Variants in ABCC1 observed in about 807,000 individuals in gnomAD.
ABCC1 encodes multidrug resistance-associated protein 1.
ABCC1 carries 83 observed loss-of-function variants against 172.9 expected under a neutral mutation model. The ratio of observed to expected loss-of-function variants is 0.48; its 90% CI spans 0.40 to 0.58. ABCC1 has a LOEUF of 0.58. Ranked by LOEUF, ABCC1 falls within the 20% of genes least tolerant of loss-of-function variation. The pLI is 0.00. For missense variants in ABCC1, 1,817 were observed against 2,002.7 expected, an observed-to-expected ratio of 0.91 and a Z score of 1.77; for synonymous variants, 937 against 825.2, an observed-to-expected ratio of 1.14 and a Z score of -2.32.
intron 1 of ABCC1, among the ~76,000 whole-genome samples, chr16:15,999,809 CCTCT>C (rs1555478343): frequency 1.6e-3 from 13 of 8,376 alleles, no homozygotes; most frequent in African/African-American, 3.5e-3. Context: ...CTCTCTCTCT[CCTCT>C]CTCTCTCTCT....
chr16:16,106,785 A>C lies in ABCC1; in HGVS notation c.2783A>C (p.His928Pro), dbSNP rs1478950298. 6.2e-7 allele frequency: 1 copy of C among 1,614,170 alleles called. No individual in the cohort carries two copies. The highest frequency in any genetic ancestry group is 2.2e-5 in the East Asian group (1 of 44,874). The change falls in exon 21 of 31, where the codon CAC becomes CCC. Residue 928 changes from histidine to proline, a missense_variant. By Grantham distance (77) the His-to-Pro change is moderately conservative. Transcript: ENST00000399410. ...TATAGTGGGGACATCAGCAGGCACC[A>C]CAACAGCACCGCAGAACTGCAGAAA... is the stretch of plus-strand genomic sequence containing the variant. ...SSYSGDISRH[H>P]NSTAELQKAE...
At chr16:16,130,564 C>G (rs1232855681) in intron 26 of ABCC1, among the ~76,000 whole-genome samples, 3 of 152,204 alleles carry the variant, frequency 2.0e-5, no homozygotes, top group African/African-American at 4.8e-5. Flanking sequence ...TAGAGCCAGT[C>G]TGTGCATAAC....
intron 1 of ABCC1, among the ~76,000 whole-genome samples, chr16:16,000,323 T>C (rs1280265854): frequency 6.6e-6 from 1 of 151,840 alleles, no homozygotes; most frequent in African/African-American, 2.4e-5. Flanking sequence ...TTTTTGTGTT[T>C]CTAGTAGAGA....
At chr16:16,034,253 T>C (rs918565462) in intron 6 of ABCC1, among the ~76,000 whole-genome samples, 1 of 150,636 alleles carries the variant, frequency 6.6e-6, no homozygotes, top group Non-Finnish European at 1.5e-5. Context: ...GTCTCCAGCT[T>C]CTGAGCTCAA....
chr16:16,113,186 C>A (rs59624646), intron 22 of ABCC1, among the ~76,000 whole-genome samples: 1 of 152,136 alleles, frequency 6.6e-6, no homozygotes, highest in Non-Finnish European at 1.5e-5. Context: ...CTCCCCTCCC[C>A]TCTCCTTGCC....
At chr16:16,140,694 G>T (rs2046093587) in intron 30 of ABCC1, among the ~76,000 whole-genome samples, 2 of 152,218 alleles carry the variant, frequency 1.3e-5, no homozygotes, top group Non-Finnish European at 2.9e-5. Context: ...TATGAATAAA[G>T]TTTTATTGGC....
In ABCC1 at chr16:16,056,915, C is replaced by T. The variant is rs2049680918; in HGVS notation, c.1677+620C>T. Among the ~76,000 whole-genome samples the T allele has an allele frequency of 2.0e-5, 3 of 152,282 alleles. No homozygotes were observed. The South Asian group carries it at 6.2e-4, about 32-fold the overall frequency. On this transcript the variant is annotated intron_variant, in intron 12 of 30. Transcript: ENST00000399410. ...AAAAAGTGCGAGCTGAGTCGAACGG[C>T]ACGCTTGGTGCCATAGTTGATCTAC...
intron 11 of ABCC1, among the ~76,000 whole-genome samples, chr16:16,054,292 T>C (rs1430914584): frequency 6.6e-6 from 1 of 151,978 alleles, no homozygotes; most frequent in African/African-American, 2.4e-5. Flanking sequence ...ATGTTTTGTG[T>C]GTGTGATATT....
At position 16,098,860 on chromosome 16, in the gene ABCC1, T is replaced by A. The variant is rs953845792; in HGVS notation, c.2645-3767T>A. ...TGCTTCTTAACAATATCTTGGGTCT[T>A]CTGAATTCCCAGGCAGCACAGTGAT... On this transcript the variant is annotated intron_variant, in intron 19 of 30. Coordinates refer to ENST00000399410, the MANE Select transcript of ABCC1 (RefSeq NM_004996.4). The A allele has an allele frequency of 2.2e-6, 3 of 1,351,926 alleles. No individual in the cohort carries two copies. The African/African-American group carries it at 4.4e-5, about 20-fold the overall frequency. The allele number at this position is 1,351,926 out of a possible 1,614,324, so 83.7% of individuals were successfully genotyped here.
chr16:16,069,211 A>T (rs35609), intron 13 of ABCC1, among the ~76,000 whole-genome samples: 72,774 of 127,270 alleles, frequency 0.57, 18,815 homozygotes, highest in Non-Finnish European at 0.6. Flanking sequence ...TAAATAAATA[A>T]ATATGTTTGA....
intron 12 of ABCC1, among the ~76,000 whole-genome samples, chr16:16,062,317 C>T (rs1041717252): frequency 2.0e-5 from 3 of 152,170 alleles, no homozygotes; most frequent in African/African-American, 7.2e-5. Flanking sequence ...TGCTTAAGAG[C>T]AGGACTGGCT....
At chr16:15,961,024 T>A (rs1443582384) in intron 1 of ABCC1, among the ~76,000 whole-genome samples, 10 of 14,784 alleles carry the variant, frequency 6.8e-4, no homozygotes, top group South Asian at 4.2e-3. Context: ...TTTTTTTTTT[T>A]AAAATAGATG....
intron 23 of ABCC1, among the ~76,000 whole-genome samples, chr16:16,121,194 T>A (rs149774354): frequency 6.6e-5 from 10 of 152,280 alleles, no homozygotes; most frequent in Admixed American, 5.2e-4. Flanking sequence ...TTGTTTTGTT[T>A]CGTTTGTTTT....
At chr16:16,100,500 C>T (rs2051683826) in intron 19 of ABCC1, among the ~76,000 whole-genome samples, 2 of 152,170 alleles carry the variant, frequency 1.3e-5, no homozygotes, top group African/African-American at 4.8e-5. Context: ...TGAGGACAGG[C>T]TGCATGGGAA....
At chr16:16,022,768 C>T (rs1300967580) in intron 5 of ABCC1, among the ~76,000 whole-genome samples, 10 of 152,136 alleles carry the variant, frequency 6.6e-5, no homozygotes, top group Admixed American at 2.0e-4. Context: ...CATTCTTAAA[C>T]CTACAGAAAA....
chr16:16,095,464 AG>A (rs577364346), intron 19 of ABCC1, among the ~76,000 whole-genome samples: 8 of 152,224 alleles, frequency 5.3e-5, no homozygotes, highest in Non-Finnish European at 8.8e-5. Flanking sequence ...CAAGCAGGGT[AG>A]AGGCCAGCGA....
At position 16,122,071 on chromosome 16, in the gene ABCC1, A is replaced by G. The variant is rs757193902; in HGVS notation, c.3487A>G (p.Ser1163Gly). ...TTTCAACGAGACCTTGCTGGGGGTC[A>G]GCGTCATTCGAGCCTTCGAGGAGCA... Reference protein sequence around the residue: ...SHFNETLLGVSVIRAFEEQER... With the variant: ...SHFNETLLGVGVIRAFEEQER... Residue 1163 changes from serine to glycine, a missense_variant, in exon 24 of 31, where the codon AGC (serine) becomes GGC (glycine). This residue lies in a region of ABCC1 where 1,412 missense variants were observed against 1,600.3 expected (regional missense o/e 0.88). Coordinates refer to ENST00000399410, the MANE Select transcript of ABCC1 (RefSeq NM_004996.4). The G allele has an allele frequency of 6.2e-7, 1 of 1,614,210 alleles. No individual in the cohort carries two copies. Among genetic ancestry groups the G allele is most frequent in the Non-Finnish European group, 8.5e-7 (1 of 1,180,040 alleles).
At chr16:16,116,465 T>C (rs1353991255) in intron 23 of ABCC1, among the ~76,000 whole-genome samples, 2 of 152,164 alleles carry the variant, frequency 1.3e-5, no homozygotes, top group Non-Finnish European at 2.9e-5. Context: ...ATTTATAAAT[T>C]TGGCATAATA....
At chr16:16,083,595 C>T in intron 17 of ABCC1, 53 bp downstream of exon 17, 4 of 1,580,098 alleles carry the variant, frequency 2.5e-6, no homozygotes, top group East Asian at 4.5e-5. Flanking sequence ...TGCCGCGTAA[C>T]AAATGCTCTC....
Sources: allele counts gnomAD v4.1 joint callset (sites outside exome capture counted in the v4.1 genomes callset), GRCh38; gene constraint gnomAD v4.1.1; regional missense constraint gnomAD v4.1.1; transcripts MANE v1.5; gene names NCBI Gene and HGNC (gene_info 2026-07-23, HGNC 2026-07-21).